Variants in KIAA1549L observed in about 807,000 individuals in gnomAD.
The protein encoded by KIAA1549L is KIAA1549 like, also known as UPF0606 protein KIAA1549L.
Under a neutral mutation model 160.7 loss-of-function variants are expected in KIAA1549L, and 88 were observed. The observed-to-expected ratio is 0.55, with a 90% confidence interval of 0.46 to 0.65. KIAA1549L has a LOEUF of 0.65. Among genes scored for constraint, KIAA1549L ranks in the 30% least tolerant of loss-of-function variants. KIAA1549L has a pLI of 0.00. For synonymous variants in KIAA1549L, 950 were observed against 976.7 expected, an observed-to-expected ratio of 0.97 and a Z score of 0.51; for missense variants, 2,258 against 2,437.5, an observed-to-expected ratio of 0.93 and a Z score of 1.55.
intron 1 of KIAA1549L, 52 bp from the exon 2 acceptor site, chr11:33,541,750 C>A: frequency 4.5e-6 from 1 of 223,304 alleles, no homozygotes; most frequent in Non-Finnish European, 9.3e-6. Context: ...CTGACCACAG[C>A]AGGCACTTCA....
In KIAA1549L at chr11:33,664,939, G is replaced by A. The variant is rs376611835; in HGVS notation, c.6160-2934G>A. Among the ~76,000 whole-genome samples the A allele has an allele frequency of 3.3e-5, 5 of 152,194 alleles. No individual in the cohort carries two copies. The South Asian group carries it at 6.2e-4, about 19-fold the overall frequency. On this transcript the variant is annotated intron_variant, in intron 20 of 20. Coordinates refer to ENST00000658780, the MANE Select transcript of KIAA1549L (RefSeq NM_012194.3). ...TTCTCAGAAGTGTGACATTGAAAAC[G>A]GGTAGATCAAACGGGACATGCAGAC... is the stretch of plus-strand genomic sequence containing the variant.
chr11:33,407,094 T>TTTC (rs924009893), intron 1 of KIAA1549L, among the ~76,000 whole-genome samples: 4 of 143,310 alleles, frequency 2.8e-5, no homozygotes, highest in Admixed American at 2.1e-4. Flanking sequence ...TTTTTTTTTT[T>TTTC]TTTTTTTTGA....
intron 1 of KIAA1549L, among the ~76,000 whole-genome samples, chr11:33,416,059 A>ACCAACCAG (rs898450094): frequency 7.2e-5 from 11 of 151,918 alleles, no homozygotes; most frequent in Admixed American, 6.6e-4. Flanking sequence ...CAACCAACCA[A>ACCAACCAG]CCAATAAAAA....
At chr11:33,416,604 G>C (rs781529502) in intron 1 of KIAA1549L, among the ~76,000 whole-genome samples, 3 of 152,146 alleles carry the variant, frequency 2.0e-5, no homozygotes, top group Non-Finnish European at 2.9e-5. Flanking sequence ...GATGTGTGTA[G>C]GTTATATGCA....
intron 11 of KIAA1549L, among the ~76,000 whole-genome samples, chr11:33,588,522 G>C (rs76331257): frequency 2.0e-5 from 3 of 152,152 alleles, no homozygotes; most frequent in Non-Finnish European, 4.4e-5. Context: ...TGGAAGCAAC[G>C]AGACCGAGGC....
chr11:33,643,226 C>T (rs963766520), intron 16 of KIAA1549L, among the ~76,000 whole-genome samples: 3 of 152,032 alleles, frequency 2.0e-5, no homozygotes, highest in East Asian at 1.9e-4. Context: ...GAGAAAAAGT[C>T]TCCACCTTCC....
At chr11:33,506,016 A>G (rs534308053) in intron 1 of KIAA1549L, among the ~76,000 whole-genome samples, 1 of 152,318 alleles carries the variant, frequency 6.6e-6, no homozygotes, top group Admixed American at 6.5e-5. Flanking sequence ...TCCCCATTTT[A>G]CAGATGAGGA....
intron 1 of KIAA1549L, among the ~76,000 whole-genome samples, chr11:33,512,901 A>G (rs958761913): frequency 1.3e-5 from 2 of 152,236 alleles, no homozygotes; most frequent in African/African-American, 4.8e-5. Context: ...GTCAGATTCT[A>G]AGGCTCATGT....
chr11:33,407,153 C>T (rs1192312633), intron 1 of KIAA1549L, among the ~76,000 whole-genome samples: 7 of 129,258 alleles, frequency 5.4e-5, no homozygotes, highest in Middle Eastern at 0.012. Flanking sequence ...GGCGTGATCT[C>T]GGCTCACTAC....
Position 33,435,818 on chromosome 11 carries a change from G to GTGTGTGTGTGTGTGTATA in KIAA1549L, c.238+58930_238+58931insGTGTGTGTGTGTGTATAT, listed in dbSNP as rs1554976830. Among the ~76,000 whole-genome samples, 3 of 45,308 alleles carry GTGTGTGTGTGTGTGTATA rather than the reference G, an allele frequency of 6.6e-5. No individual in the cohort carries two copies. The East Asian group carries it at 2.0e-3, about 30-fold the overall frequency. 29.7% of individuals were successfully genotyped at this position (45,308 alleles called of 152,430 possible). On this transcript the variant is annotated intron_variant, in intron 1 of 20. Transcript: ENST00000658780. ...TATATATATATATATATATGTGTGTGTATATATATATATGTATATGTATAT... is the reference window on the plus strand; with the variant it reads ...TATATATATATATATATATGTGTGTGTGTGTGTGTGTGTGTATATATATATATATATGTATATGTATAT...
At chr11:33,642,756 C>A (rs1259154589) in intron 16 of KIAA1549L, among the ~76,000 whole-genome samples, 1 of 152,088 alleles carries the variant, frequency 6.6e-6, no homozygotes, top group Non-Finnish European at 1.5e-5. Context: ...AAAAAGGTTT[C>A]TTTACAAGGA....
At chr11:33,621,783 A>T (rs1309994773) in intron 16 of KIAA1549L, among the ~76,000 whole-genome samples, 4 of 152,232 alleles carry the variant, frequency 2.6e-5, no homozygotes, top group Non-Finnish European at 5.9e-5. Context: ...CCAAAAGGTA[A>T]GTAATCATTA....
intron 15 of KIAA1549L, among the ~76,000 whole-genome samples, chr11:33,613,251 A>T (rs1342133193): frequency 1.3e-5 from 2 of 152,028 alleles, no homozygotes; most frequent in Non-Finnish European, 2.9e-5. Flanking sequence ...TTTTCCTGTA[A>T]CCTCACCAGC....
intron 1 of KIAA1549L, among the ~76,000 whole-genome samples, chr11:33,449,685 T>TA (rs142792786): frequency 0.041 from 6,294 of 152,276 alleles, 451 homozygotes; most frequent in African/African-American, 0.14. Flanking sequence ...TCTCTGACCT[T>TA]ACGGTTGCAT....
At chr11:33,647,545 TTTAA>T (rs1187248213) in intron 17 of KIAA1549L, among the ~76,000 whole-genome samples, 1 of 152,108 alleles carries the variant, frequency 6.6e-6, no homozygotes, top group Non-Finnish European at 1.5e-5. Context: ...AAATCACAAT[TTTAA>T]TTAGTTTGCA....
intron 1 of KIAA1549L, among the ~76,000 whole-genome samples, chr11:33,488,444 A>G (rs1431621923): frequency 6.6e-6 from 1 of 152,196 alleles, no homozygotes; most frequent in African/African-American, 2.4e-5. Context: ...AAAACAGAAA[A>G]TTTTGGGTAA....
chr11:33,623,653 A>G (rs1264185390), intron 16 of KIAA1549L, among the ~76,000 whole-genome samples: 4 of 152,292 alleles, frequency 2.6e-5, no homozygotes, highest in African/African-American at 7.2e-5. Context: ...GGCTGCCCAG[A>G]AAGACACTTA....
Position 33,543,116 on chromosome 11 carries a change from C to T in KIAA1549L, c.1553C>T (p.Ser518Phe), listed in dbSNP as rs1320996659. The change falls in exon 2 of 21, where the codon TCT becomes TTT. Residue 518 changes from serine (S) to phenylalanine (F), a missense_variant. Around this residue, in one of 6 missense-constraint regions of KIAA1549L, gnomAD observed 540 missense variants for 465.7 expected, o/e 1.16. Transcript: ENST00000658780. ...LQPTENHASP[S>F]PVPEMPTLPA... is the part of the protein sequence containing the mutation. ...CCCACAGAGAATCATGCCTCCCCAT[C>T]TCCTGTGCCAGAAATGCCCACTCTT... The T allele has an allele frequency of 3.7e-6, 6 of 1,613,918 alleles. No homozygotes were observed. Among genetic ancestry groups the T allele is most frequent in the Non-Finnish European group, 5.1e-6 (6 of 1,179,898 alleles).
chr11:33,494,200 C>A (rs1387617628), intron 1 of KIAA1549L, among the ~76,000 whole-genome samples: 5 of 152,282 alleles, frequency 3.3e-5, no homozygotes, highest in South Asian at 2.1e-4. Context: ...TGACACATGA[C>A]CCTAATATTG....
Sources: gnomAD v4.1 joint callset for allele counts (sites outside exome capture counted in the v4.1 genomes callset) on GRCh38, gnomAD v4.1.1 for gene constraint, gnomAD v4.1.1 regional missense constraint, MANE v1.5 for transcripts, NCBI Gene and HGNC (gene_info 2026-07-23, HGNC 2026-07-21) for gene names.